The following GABRG3 variants were observed in gnomAD, a reference collection of about 807,000 sequenced individuals.
GABRG3 encodes gamma-aminobutyric acid type A receptor subunit gamma3, also known as gamma-aminobutyric acid receptor subunit gamma-3.
GABRG3 carries 25 observed loss-of-function variants against 48.8 expected under a neutral mutation model. The ratio of observed to expected loss-of-function variants is 0.51; its 90% CI spans 0.37 to 0.72. The LOEUF (loss-of-function observed/expected upper bound fraction) is 0.72. Ranked by LOEUF, GABRG3 falls within the 30% of genes least tolerant of loss-of-function variation. The pLI, the probability that GABRG3 is intolerant of heterozygous loss-of-function variation, is 0.00. For synonymous variants in GABRG3, 227 were observed against 217.6 expected, an observed-to-expected ratio of 1.04 and a Z score of -0.38; for missense variants, 394 against 577.9, an observed-to-expected ratio of 0.68 and a Z score of 3.26.
intron 3 of GABRG3, among the ~76,000 whole-genome samples, chr15:27,321,030 C>G (rs545403877): frequency 1.3e-5 from 2 of 152,170 alleles, no homozygotes; most frequent in African/African-American, 4.8e-5. Context: ...CTGCCCTCCT[C>G]GGAGCAGCCT....
chr15:27,103,171 G>C (rs995653085), intron 3 of GABRG3, among the ~76,000 whole-genome samples: 5 of 152,154 alleles, frequency 3.3e-5, no homozygotes, highest in Non-Finnish European at 5.9e-5. Flanking sequence ...TGCTCCACAG[G>C]TGCTCTTGGA....
At chr15:27,420,293 C>A (rs934329569) in intron 5 of GABRG3, among the ~76,000 whole-genome samples, 9 of 152,094 alleles carry the variant, frequency 5.9e-5, no homozygotes, top group Admixed American at 1.3e-4. Context: ...AGAAAATATG[C>A]TATCAAATGT....
At chr15:27,388,286 A>AAG (rs1896076942) in intron 5 of GABRG3, among the ~76,000 whole-genome samples, 1 of 49,546 alleles carries the variant, frequency 2.0e-5, no homozygotes, top group Non-Finnish European at 3.9e-5. Flanking sequence ...TAAGGAAGGA[A>AAG]GGAAGAAAAG....
chr15:27,150,412 CTTTAT>C (rs1898289254), intron 3 of GABRG3, among the ~76,000 whole-genome samples: 2 of 152,116 alleles, frequency 1.3e-5, no homozygotes, highest in East Asian at 1.9e-4. Context: ...ATTAACATAT[CTTTAT>C]TTTATTTAGT....
rs145568214 is a variant in GABRG3, at chr15:27,367,569, A to C, written c.574+38681A>C. On this transcript the variant is annotated intron_variant, in intron 5 of 9. Coordinates refer to ENST00000615808, the MANE Select transcript of GABRG3 (RefSeq NM_033223.5). ...TGCCTTGGCCATTGCATAGCGAGAG[A>C]AAGAGAGAGACTATTTCAGGATTGG... Among the ~76,000 whole-genome samples, 911 of 152,270 alleles carry C rather than the reference A, an allele frequency of 6.0e-3. 15 individuals are homozygous for C. The highest frequency in any genetic ancestry group is 0.021 in the African/African-American group (859 of 41,558).
chr15:27,425,435 T>C (rs982610450), intron 5 of GABRG3, among the ~76,000 whole-genome samples: 3 of 141,606 alleles, frequency 2.1e-5, no homozygotes, highest in African/African-American at 8.2e-5. Flanking sequence ...AAACCGTGTC[T>C]CTACTAAAAA....
intron 2 of GABRG3, among the ~76,000 whole-genome samples, chr15:26,990,073 C>A (rs1419007068): frequency 6.6e-6 from 1 of 152,204 alleles, no homozygotes; most frequent in African/African-American, 2.4e-5. Flanking sequence ...GTGAACAGTG[C>A]TGCAATGAAC....
chr15:27,325,150 T>C (rs921642496), intron 3 of GABRG3, among the ~76,000 whole-genome samples: 6 of 152,294 alleles, frequency 3.9e-5, no homozygotes, highest in Non-Finnish European at 8.8e-5. Context: ...TTTGTATCAG[T>C]CAGCACATGC....
chr15:27,386,748 A>T (rs1895934807), intron 5 of GABRG3, among the ~76,000 whole-genome samples: 1 of 152,060 alleles, frequency 6.6e-6, no homozygotes, highest in South Asian at 2.1e-4. Context: ...GACTCAATGG[A>T]TTTTCTTGAA....
intron 3 of GABRG3, among the ~76,000 whole-genome samples, chr15:27,069,368 C>T (rs1047476780): frequency 2.6e-5 from 4 of 152,248 alleles, no homozygotes; most frequent in Non-Finnish European, 5.9e-5. Context: ...CCCTGAAAGC[C>T]TCTCTGTGTC....
At chr15:27,083,148 AAATG>A (rs1274119793) in intron 3 of GABRG3, among the ~76,000 whole-genome samples, 3 of 152,238 alleles carry the variant, frequency 2.0e-5, no homozygotes, top group Non-Finnish European at 4.4e-5. Flanking sequence ...AGCATAACAC[AAATG>A]AGGCAGGGAA....
intron 2 of GABRG3, among the ~76,000 whole-genome samples, chr15:26,994,826 G>T (rs910336274): frequency 6.6e-6 from 1 of 151,922 alleles, no homozygotes; most frequent in African/African-American, 2.4e-5. Context: ...GACTTCACAT[G>T]ATTTCAGTCT....
chr15:27,003,154 TTTTA>T (rs1187320583), intron 2 of GABRG3, among the ~76,000 whole-genome samples: 108 of 147,764 alleles, frequency 7.3e-4, no homozygotes, highest in African/African-American at 2.6e-3. Flanking sequence ...ATGAAATAGT[TTTTA>T]TTTTTTTATT....
chr15:27,487,996 T>C (rs532183080), intron 6 of GABRG3, among the ~76,000 whole-genome samples: 16 of 152,198 alleles, frequency 1.1e-4, no homozygotes, highest in Non-Finnish European at 2.4e-4. Context: ...AGCCGTCCTG[T>C]AGCCTCGAGA....
intron 3 of GABRG3, among the ~76,000 whole-genome samples, chr15:27,245,882 A>G (rs911353778): frequency 1.3e-5 from 2 of 152,078 alleles, no homozygotes; most frequent in Non-Finnish European, 2.9e-5. Context: ...AAAAAGGAAA[A>G]CAGGTTTATT....
chr15:27,067,263 C>T (rs534122313), intron 3 of GABRG3, among the ~76,000 whole-genome samples: 4 of 152,332 alleles, frequency 2.6e-5, no homozygotes, highest in East Asian at 1.9e-4. Flanking sequence ...CTTCAGCTCT[C>T]TGCCTTCTCC....
At chr15:27,391,361 G>A (rs764657819) in intron 5 of GABRG3, among the ~76,000 whole-genome samples, 5 of 152,070 alleles carry the variant, frequency 3.3e-5, no homozygotes, top group Admixed American at 6.6e-5. Flanking sequence ...CCAAAGTGCA[G>A]GTTTAGGTTT....
intron 3 of GABRG3, among the ~76,000 whole-genome samples, chr15:27,176,256 A>G (rs995963711): frequency 2.6e-5 from 4 of 152,104 alleles, no homozygotes; most frequent in Non-Finnish European, 5.9e-5. Context: ...TAAGAGTTCC[A>G]CCTCTTTCTA....
At chr15:27,229,885 T>C (rs1158694415) in intron 3 of GABRG3, among the ~76,000 whole-genome samples, 1 of 152,164 alleles carries the variant, frequency 6.6e-6, no homozygotes, top group Non-Finnish European at 1.5e-5. Flanking sequence ...ATTCAGGCTC[T>C]TTTTTTGGTT....
Sources: gnomAD v4.1 joint callset for allele counts (sites outside exome capture counted in the v4.1 genomes callset) on GRCh38, gnomAD v4.1.1 for gene constraint, MANE v1.5 for transcripts, NCBI Gene and HGNC (gene_info 2026-07-23, HGNC 2026-07-21) for gene names.